The following MAGI2 variants were observed in gnomAD, a reference collection of about 807,000 sequenced individuals.
MAGI2 encodes membrane-associated guanylate kinase, WW and PDZ domain-containing protein 2.
In MAGI2, 35 loss-of-function variants were observed where a neutral mutation model predicts 133.3. The observed-to-expected ratio is 0.26, with a 90% CI of 0.20 to 0.35. The LOEUF (loss-of-function observed/expected upper bound fraction) is 0.35. MAGI2 is among the 10% of genes least tolerant of loss of function. MAGI2 has a pLI of 1.00. For missense variants in MAGI2, 1,636 were observed against 1,863.4 expected, an observed-to-expected ratio of 0.88 and a Z score of 2.25; for synonymous variants, 729 against 710.6, an observed-to-expected ratio of 1.03 and a Z score of -0.41.
At chr7:78,575,810 T>C (rs999015979) in intron 3 of MAGI2, among the ~76,000 whole-genome samples, 4 of 152,134 alleles carry the variant, frequency 2.6e-5, no homozygotes, top group African/African-American at 4.8e-5. Flanking sequence ...TCTGAGAAAT[T>C]GTCACAATCT....
At chr7:78,066,335 G>A (rs771757445) in intron 21 of MAGI2, among the ~76,000 whole-genome samples, 17 of 151,916 alleles carry the variant, frequency 1.1e-4, no homozygotes, top group Admixed American at 2.6e-4. Context: ...GTTGGTGTGC[G>A]CCTGTAGTCC....
intron 1 of MAGI2, among the ~76,000 whole-genome samples, chr7:79,042,033 A>C (rs745394231): frequency 6.6e-6 from 1 of 152,182 alleles, no homozygotes; most frequent in African/African-American, 2.4e-5. Context: ...TCTTCGAGAG[A>C]TAAATTAAGA....
rs1554338040 is a variant in MAGI2 at position 79,034,725 on chromosome 7, T to TGTGAAATATCCAATACTGACCA, written c.302-27520_302-27519insTGGTCAGTATTGGATATTTCAC. Among the ~76,000 whole-genome samples, 587 of 151,872 alleles carry TGTGAAATATCCAATACTGACCA rather than the reference T, an allele frequency of 3.9e-3. 1 individual carries two copies. The highest frequency in any genetic ancestry group is 0.013 in the African/African-American group (551 of 41,432). ...TGTGACCAAAATGGCAGCAGGCAAA[T>TGTGAAATATCCAATACTGACCA]GTGAAAAATCCAATACTGACCATAA... On this transcript the variant is annotated intron_variant, in intron 1 of 21. Coordinates refer to ENST00000354212, the MANE Select transcript of MAGI2 (RefSeq NM_012301.4).
At chr7:78,675,042 T>A (rs1814854916) in intron 2 of MAGI2, among the ~76,000 whole-genome samples, 1 of 152,190 alleles carries the variant, frequency 6.6e-6, no homozygotes, top group South Asian at 2.1e-4. Flanking sequence ...AGTGTCCAAA[T>A]CTGGGTCAAA....
chr7:79,281,749 T>A (rs78511754), intron 1 of MAGI2, among the ~76,000 whole-genome samples: 4,326 of 152,228 alleles, frequency 0.028, 83 homozygotes, highest in African/African-American at 0.039. Context: ...ATAGTTATCT[T>A]CAATAGATCC....
At chr7:78,704,388 G>A (rs944436468) in intron 2 of MAGI2, among the ~76,000 whole-genome samples, 7 of 152,056 alleles carry the variant, frequency 4.6e-5, no homozygotes, top group Non-Finnish European at 8.8e-5. Flanking sequence ...ACACCAGTCA[G>A]GATGACTATT....
At chr7:79,055,092 C>T (rs1562838112) in intron 1 of MAGI2, among the ~76,000 whole-genome samples, 1 of 152,224 alleles carries the variant, frequency 6.6e-6, no homozygotes, top group African/African-American at 2.4e-5. Flanking sequence ...CCATGTCCGG[C>T]CTCCTTGCCT....
chr7:79,085,918 G>A (rs1816443886), intron 1 of MAGI2, among the ~76,000 whole-genome samples: 1 of 151,882 alleles, frequency 6.6e-6, no homozygotes, highest in Non-Finnish European at 1.5e-5. Flanking sequence ...GCCTTCATGT[G>A]CTACTTACAC....
chr7:78,848,074 C>A (rs1792780937), intron 2 of MAGI2, among the ~76,000 whole-genome samples: 1 of 151,866 alleles, frequency 6.6e-6, no homozygotes, highest in Admixed American at 6.6e-5. Context: ...CTGTAACTCC[C>A]AGATAAGTAC....
intron 10 of MAGI2, among the ~76,000 whole-genome samples, chr7:78,221,023 C>T (rs17150039): frequency 0.015 from 2,263 of 152,298 alleles, 65 homozygotes; most frequent in African/African-American, 0.052. Context: ...TGAGCACACA[C>T]GTTTCTTCCT....
intron 2 of MAGI2, among the ~76,000 whole-genome samples, chr7:78,927,732 T>C (rs141484771): frequency 0.017 from 2,648 of 152,074 alleles, 74 homozygotes; most frequent in African/African-American, 0.059. Context: ...ATATTATCAA[T>C]ATTAATTTAG....
chr7:79,269,945 G>A (rs1198967462), intron 1 of MAGI2, among the ~76,000 whole-genome samples: 2 of 152,070 alleles, frequency 1.3e-5, no homozygotes, highest in South Asian at 2.1e-4. Flanking sequence ...CAGGAGTCAT[G>A]TGGCCAGAAG....
At chr7:78,058,003 A>ATGTGTGTGTGTGTGTGTGTGTGTGTGTG (rs374332006) in intron 21 of MAGI2, among the ~76,000 whole-genome samples, 4 of 117,024 alleles carry the variant, frequency 3.4e-5, no homozygotes, top group African/African-American at 6.6e-5. Flanking sequence ...ATATATATAT[A>ATGTGTGTGTGTGTGTGTGTGTGTGTGTG]TGTATGAGAA....
chr7:78,040,696 A>G (rs1334648007), intron 21 of MAGI2, among the ~76,000 whole-genome samples: 1 of 152,160 alleles, frequency 6.6e-6, no homozygotes, highest in African/African-American at 2.4e-5. Context: ...GTCAGGTGGC[A>G]ATCGGGATGA....
intron 6 of MAGI2, among the ~76,000 whole-genome samples, chr7:78,488,278 AC>A (rs1793251407): frequency 6.6e-6 from 1 of 152,038 alleles, no homozygotes; most frequent in African/African-American, 2.4e-5. Context: ...TGTGGGAAAA[AC>A]AAATAACATT....
At chr7:78,356,250 A>C (rs1792068363) in intron 7 of MAGI2, among the ~76,000 whole-genome samples, 1 of 152,198 alleles carries the variant, frequency 6.6e-6, no homozygotes, top group Non-Finnish European at 1.5e-5. Flanking sequence ...CAACAATAAC[A>C]AAACTATGTA....
intron 6 of MAGI2, among the ~76,000 whole-genome samples, chr7:78,373,183 A>C (rs1355809001): frequency 6.6e-6 from 1 of 152,158 alleles, no homozygotes; most frequent in African/African-American, 2.4e-5. Flanking sequence ...TATTCAATAA[A>C]GTAGCTGACA....
At position 78,075,961 on chromosome 7, in the gene MAGI2, T is replaced by C. The variant is rs935194192; in HGVS notation, c.3706+2986A>G. Among the ~76,000 whole-genome samples, 4 of 152,374 alleles carry C rather than the reference T, an allele frequency of 2.6e-5. No homozygotes were observed. In the South Asian group the frequency reaches 6.2e-4, roughly 24 times the overall value. ...TGTTTTACTTCCTTAAAGGAGATTG[T>C]TCTATGCTATTAAGTTCTTTCTTTT... On this transcript the variant is annotated intron_variant, in intron 21 of 21. Transcript: ENST00000354212.
intron 2 of MAGI2, among the ~76,000 whole-genome samples, chr7:78,878,170 T>C (rs1795572378): frequency 6.6e-6 from 1 of 152,182 alleles, no homozygotes. Flanking sequence ...AATCAATATA[T>C]GTTTATTTTT....
Sources: allele counts gnomAD v4.1 joint callset (sites outside exome capture counted in the v4.1 genomes callset), GRCh38; gene constraint gnomAD v4.1.1; transcripts MANE v1.5; gene names NCBI Gene and HGNC (gene_info 2026-07-23, HGNC 2026-07-21).